The following ZNF892 variants were observed in gnomAD, a reference collection of about 807,000 sequenced individuals.
ZNF892 encodes the protein zinc finger protein 892.
the ZNF892 span, among the ~76,000 whole-genome samples, chr2:95,244,682 A>G: frequency 6.6e-6 from 1 of 152,316 alleles, no homozygotes; most frequent in East Asian, 1.9e-4. Context: ...GGTCTGGATC[A>G]AGTGGACTTG....
the ZNF892 span, among the ~76,000 whole-genome samples, chr2:95,245,576 G>A: frequency 1.2e-5 from 1 of 81,426 alleles, no homozygotes; most frequent in African/African-American, 5.7e-5. Context: ...GCCTGGAGCT[G>A]GTTTTTTGAA....
chr2:95,225,664 C>T, the ZNF892 span, among the ~76,000 whole-genome samples: 3 of 152,218 alleles, frequency 2.0e-5, no homozygotes, highest in Admixed American at 6.5e-5. Flanking sequence ...TTTTCACATA[C>T]AAAATACATT....
the ZNF892 span, among the ~76,000 whole-genome samples, chr2:95,244,704 C>T: frequency 6.6e-6 from 1 of 152,192 alleles, no homozygotes; most frequent in Admixed American, 6.5e-5. Flanking sequence ...TAGATATCTA[C>T]AGAACCCTCC....
the ZNF892 span, among the ~76,000 whole-genome samples, chr2:95,241,627 A>G: frequency 6.6e-6 from 1 of 152,200 alleles, no homozygotes; most frequent in Non-Finnish European, 1.5e-5. Context: ...GCAAGGGCAC[A>G]GAATTGGGCT....
the ZNF892 span, chr2:95,214,644 C>A: frequency 2.5e-6 from 1 of 400,894 alleles, no homozygotes; most frequent in Non-Finnish European, 4.4e-6. Context: ...TAACTTAAAA[C>A]AAAATTCAGA....
the ZNF892 span, among the ~76,000 whole-genome samples, chr2:95,242,998 C>T: frequency 1.3e-4 from 20 of 152,322 alleles, no homozygotes; most frequent in South Asian, 2.1e-4. Context: ...TGCAGGCGCG[C>T]GCCGCCACGC....
chr2:95,245,459 G>GGGC, the ZNF892 span, among the ~76,000 whole-genome samples: 3 of 112,196 alleles, frequency 2.7e-5, 1 homozygote, highest in African/African-American at 1.1e-4. Context: ...GCGGGGGGGG[G>GGGC]GGGGTTTCAC....
the ZNF892 span, among the ~76,000 whole-genome samples, chr2:95,235,610 C>A: frequency 6.6e-6 from 1 of 152,138 alleles, no homozygotes; most frequent in Non-Finnish European, 1.5e-5. Flanking sequence ...ATCCGCCCAC[C>A]TCGGCCTCCC....
the ZNF892 span, chr2:95,214,448 A>C: frequency 7.3e-5 from 29 of 398,404 alleles, no homozygotes; most frequent in Non-Finnish European, 8.8e-6. Flanking sequence ...GTTCTAGTGA[A>C]TGTGAGGATT....
chr2:95,206,731 T>C, the ZNF892 span, among the ~76,000 whole-genome samples: 1 of 152,214 alleles, frequency 6.6e-6, no homozygotes, highest in East Asian at 1.9e-4. Context: ...TTAATTGGGC[T>C]CCTTTGAAAT....
chr2:95,207,279 A>G, the ZNF892 span, among the ~76,000 whole-genome samples: 1 of 152,166 alleles, frequency 6.6e-6, no homozygotes, highest in African/African-American at 2.4e-5. Flanking sequence ...CGGAGATGCG[A>G]AAAGTCCCAC....
the ZNF892 span, among the ~76,000 whole-genome samples, chr2:95,220,153 G>A: frequency 6.6e-6 from 1 of 152,160 alleles, no homozygotes; most frequent in Non-Finnish European, 1.5e-5. Flanking sequence ...TACCACCCCA[G>A]GGTAAAGGTG....
At chr2:95,250,226 G>C in the ZNF892 span, among the ~76,000 whole-genome samples, 1 of 151,848 alleles carries the variant, frequency 6.6e-6, no homozygotes, top group Admixed American at 6.6e-5. Flanking sequence ...TTGTTAGGTT[G>C]AATTTATAAT....
chr2:95,240,783 G>A, the ZNF892 span, among the ~76,000 whole-genome samples: 1 of 152,216 alleles, frequency 6.6e-6, no homozygotes, highest in Non-Finnish European at 1.5e-5. Flanking sequence ...GGGCGGGGCA[G>A]CTGAACCACC....
chr2:95,257,006 C>A, the ZNF892 span, among the ~76,000 whole-genome samples: 1 of 152,182 alleles, frequency 6.6e-6, no homozygotes, highest in Non-Finnish European at 1.5e-5. Flanking sequence ...AACTTCTTTG[C>A]CATGGGTTTG....
At chr2:95,222,976 A>G in the ZNF892 span, among the ~76,000 whole-genome samples, 1 of 152,224 alleles carries the variant, frequency 6.6e-6, no homozygotes, top group African/African-American at 2.4e-5. Flanking sequence ...CAGATGTTTC[A>G]GCATCATTTG....
chr2:95,209,627 G>C, the ZNF892 span, among the ~76,000 whole-genome samples: 11 of 152,144 alleles, frequency 7.2e-5, no homozygotes, highest in Admixed American at 7.2e-4. Context: ...TAAAACCATG[G>C]GAGAAAATGC....
At chr2:95,221,756 T>A in the ZNF892 span, among the ~76,000 whole-genome samples, 1 of 152,340 alleles carries the variant, frequency 6.6e-6, no homozygotes, top group Admixed American at 6.5e-5. Context: ...ACTTTACTAG[T>A]CTTTTAAAAT....
the ZNF892 span, among the ~76,000 whole-genome samples, chr2:95,239,132 T>A: frequency 1.4e-4 from 14 of 99,766 alleles, no homozygotes; most frequent in Admixed American, 1.3e-4. Context: ...AGAGCAAAAC[T>A]CCGTCTCAAA....
Sources: gnomAD v4.1 joint callset for allele counts (sites outside exome capture counted in the v4.1 genomes callset) on GRCh38, gnomAD v4.1.1 for gene constraint, MANE v1.5 for transcripts, NCBI Gene and HGNC (gene_info 2026-07-23, HGNC 2026-07-21) for gene names.